The following THAP2 variants were observed in gnomAD, a reference collection of about 807,000 sequenced individuals.
THAP2 encodes the protein THAP domain-containing protein 2.
Under a neutral mutation model 18.8 loss-of-function variants are expected in THAP2, and 16 were observed. The observed-to-expected ratio is 0.85, with a 90% CI of 0.58 to 1.29. The LOEUF (loss-of-function observed/expected upper bound fraction) is 1.29, where lower values mean the gene tolerates loss of function less well. Ranked by LOEUF, THAP2 falls within the 50% of genes most tolerant of loss-of-function variation. The pLI, the probability that THAP2 is intolerant of heterozygous loss-of-function variation, is 0.00. For missense variants in THAP2, 251 were observed against 265.3 expected, an observed-to-expected ratio of 0.95 and a Z score of 0.38; for synonymous variants, 80 against 89.2, an observed-to-expected ratio of 0.90 and a Z score of 0.58.
Position 71,664,391 on chromosome 12 carries a change from C to T in THAP2, c.-119C>T, listed in dbSNP as rs1003872290. Reference sequence around the variant, plus strand: ...ACCCCTTCTTCCCACTCCGCTCTCACGACTAAGCTCTCACGATTAAGGCAC... The same window carrying T: ...ACCCCTTCTTCCCACTCCGCTCTCATGACTAAGCTCTCACGATTAAGGCAC... On this transcript the variant is annotated 5_prime_UTR_variant, in exon 1 of 3. The change creates a new upstream start codon in the 5' untranslated region. Transcript: ENST00000308086. 1.3e-5 allele frequency: 16 copies of T among 1,258,080 alleles called. No homozygotes were observed. The highest frequency in any genetic ancestry group is 1.7e-5 in the Non-Finnish European group (15 of 865,002). 77.9% of individuals were successfully genotyped at this position (1,258,080 alleles called of 1,614,324 possible).
intron 1 of THAP2, chr12:71,665,762 T>C (rs1156778107): frequency 6.6e-6 from 1 of 152,194 alleles, no homozygotes; most frequent in Non-Finnish European, 1.5e-5. Flanking sequence ...CTAAGAGTAC[T>C]TGAGAAACCA....
rs778305598 is a variant in THAP2 at position 71,676,964 on chromosome 12, A to G, written c.543A>G (p.Val181=). The G allele has an allele frequency of 2.5e-6, 4 of 1,613,760 alleles. No individual in the cohort carries two copies. The highest frequency in any genetic ancestry group is 2.2e-5 in the South Asian group (2 of 91,074). ...TAAAGAATTTAGAAGCAAATAGTGT[A>G]TTACCTAAAGGTACATCAGAACACA... ...CLVKNLEANS[V]LPKGTSEHML... is the part of the protein sequence containing the mutation. Residue 181 remains valine, a synonymous_variant, in exon 3 of 3, where the codon GTA becomes GTG. Transcript: ENST00000308086.
chr12:71,673,913 A>G (rs1280849831), intron 1 of THAP2, among the ~76,000 whole-genome samples: 1 of 150,114 alleles, frequency 6.7e-6, no homozygotes, highest in East Asian at 2.1e-4. Context: ...GATCTAAATC[A>G]GTTTAGTCAT....
chr12:71,664,939 C>G (rs1231447394), intron 1 of THAP2: 1 of 702,312 alleles, frequency 1.4e-6, no homozygotes, highest in Admixed American at 2.0e-5. Context: ...CCGTAAAAGC[C>G]TGCTGTGTTC....
At chr12:71,673,615 C>T (rs1226959997) in intron 1 of THAP2, among the ~76,000 whole-genome samples, 1 of 152,074 alleles carries the variant, frequency 6.6e-6, no homozygotes, top group Non-Finnish European at 1.5e-5. Context: ...CTACTGTTTG[C>T]AAAGCATTGT....
rs1881459075 is a variant in THAP2 at position 71,672,584 on chromosome 12, A to G, written c.72-1619A>G. On this transcript the variant is annotated intron_variant, in intron 1 of 2. Transcript: ENST00000308086. The stretch of plus-strand genomic sequence containing the variant: ...TACAGAATAGAAAGATATTTCACAA[A>G]AAGTGCAAGGTTTTTGTACCTGCTG... Among the ~76,000 whole-genome samples, 4 of 152,276 alleles carry G rather than the reference A, an allele frequency of 2.6e-5. No individual in the cohort carries two copies. In the South Asian group the frequency reaches 8.3e-4, roughly 32 times the overall value.
rs1216706810 is a variant in THAP2, at chr12:71,678,646, T to C, written c.*1538T>C. 6.6e-6 allele frequency: 1 copy of C among 152,132 alleles called. No homozygotes were observed. Among genetic ancestry groups the C allele is most frequent in the Admixed American group, 6.5e-5 (1 of 15,286 alleles). 9.4% of individuals were successfully genotyped at this position (152,132 alleles called of 1,614,324 possible). A position where few individuals can be genotyped will look rare whatever the true frequency, so the allele number is the denominator to read the frequency against. ...AATTGCTGTAATCTTTCCTGTAAAG[T>C]AATAGCTACTTCATGATTTTTTTAA... On this transcript the variant is annotated 3_prime_UTR_variant, in exon 3 of 3. Coordinates refer to ENST00000308086, the MANE Select transcript of THAP2 (RefSeq NM_031435.4).
chr12:71,674,167 T>C (rs750792433), intron 1 of THAP2, 36 bp from the exon 2 acceptor site: 9 of 1,529,340 alleles, frequency 5.9e-6, no homozygotes, highest in South Asian at 2.5e-5. Context: ...AGAATTATGA[T>C]AGTTGGAATT....
At chr12:71,674,117 A>T in intron 1 of THAP2, 86 bp from the exon 2 acceptor site, 2 of 1,346,420 alleles carry the variant, frequency 1.5e-6, no homozygotes, top group Non-Finnish European at 2.0e-6. Flanking sequence ...ACACACTTTT[A>T]ATCATCTTCG....
At chr12:71,672,816 G>A (rs377267859) in intron 1 of THAP2, among the ~76,000 whole-genome samples, 1 of 152,068 alleles carries the variant, frequency 6.6e-6, no homozygotes, top group South Asian at 2.1e-4. Flanking sequence ...CTTCATATGG[G>A]TATCATGGTA....
At position 71,664,480 on chromosome 12, in the gene THAP2, C is replaced by T. The variant is rs754144290; in HGVS notation, c.-30C>T. On this transcript the variant is annotated 5_prime_UTR_variant, in exon 1 of 3. Transcript: ENST00000308086. ...TAGCAGCCAGCGCCTCAGTAGAGAC[C>T]TAAGGGCGCTGAATGAGTGGGAAAG... 3.1e-6 allele frequency: 5 copies of T among 1,613,820 alleles called. No individual in the cohort carries two copies. The highest frequency in any genetic ancestry group is 1.7e-5 in the Admixed American group (1 of 60,008).
intron 1 of THAP2, among the ~76,000 whole-genome samples, chr12:71,670,936 CA>C (rs35547227): frequency 0.082 from 8,118 of 98,874 alleles, 308 homozygotes; most frequent in South Asian, 0.11. Context: ...AAAACTGTCT[CA>C]AAAAAAAAAA....
intron 1 of THAP2, chr12:71,667,387 C>T (rs1881361484): frequency 6.6e-6 from 1 of 152,224 alleles, no homozygotes; most frequent in African/African-American, 2.4e-5. Flanking sequence ...CCTCCCAAAT[C>T]AGTATCTCCA....
chr12:71,664,384 G>C lies in THAP2; in HGVS notation c.-126G>C, dbSNP rs1300791836. ...CATACACACCCCTTCTTCCCACTCC[G>C]CTCTCACGACTAAGCTCTCACGATT... On this transcript the variant is annotated 5_prime_UTR_variant, in exon 1 of 3. Transcript: ENST00000308086. The C allele has an allele frequency of 1.2e-5, 14 of 1,149,198 alleles. No individual in the cohort carries two copies. The highest frequency in any genetic ancestry group is 1.7e-5 in the Non-Finnish European group (13 of 771,486). The allele number at this position is 1,149,198 out of a possible 1,614,324, so 71.2% of individuals were successfully genotyped here.
chr12:71,670,932 GTCTCAAA>G (rs1048660614), intron 1 of THAP2, among the ~76,000 whole-genome samples: 21 of 101,048 alleles, frequency 2.1e-4, no homozygotes, highest in Non-Finnish European at 3.5e-5. Flanking sequence ...GAGCAAAACT[GTCTCAAA>G]AAAAAAAAAA....
At chr12:71,669,617 T>G (rs982512348) in intron 1 of THAP2, among the ~76,000 whole-genome samples, 2 of 152,102 alleles carry the variant, frequency 1.3e-5, no homozygotes, top group African/African-American at 4.8e-5. Context: ...GAAATGAGAC[T>G]AGATTGTCAT....
chr12:71,672,248 G>A (rs1409969908), intron 1 of THAP2, among the ~76,000 whole-genome samples: 1 of 151,944 alleles, frequency 6.6e-6, no homozygotes, highest in Non-Finnish European at 1.5e-5. Flanking sequence ...TGATCTTAAT[G>A]GCATCTGGGA....
chr12:71,679,240 A>G lies in THAP2; in HGVS notation c.*2132A>G, dbSNP rs552324269. On this transcript the variant is annotated 3_prime_UTR_variant, in exon 3 of 3. Coordinates refer to ENST00000308086, the MANE Select transcript of THAP2 (RefSeq NM_031435.4). ...GGTTACTTCATCTTCATTCATTATT[A>G]CCTGACAGTATTAAACTACTACTCA... The G allele has an allele frequency of 1.3e-5, 2 of 152,266 alleles. No homozygotes were observed. The highest frequency in any genetic ancestry group is 3.9e-4 in the East Asian group (2 of 5,192). 9.4% of individuals were successfully genotyped at this position (152,266 alleles called of 1,614,324 possible). A position where few individuals can be genotyped will look rare whatever the true frequency, so the allele number is the denominator to read the frequency against.
At chr12:71,676,584 C>T (rs995675279) in intron 2 of THAP2, 105 bp from the exon 3 acceptor site, 24 of 1,183,772 alleles carry the variant, frequency 2.0e-5, no homozygotes, top group African/African-American at 1.7e-4. Context: ...TTAAAATTGA[C>T]TTTTAAAAGA....
Sources: allele counts gnomAD v4.1 joint callset (sites outside exome capture counted in the v4.1 genomes callset), GRCh38; gene constraint gnomAD v4.1.1; transcripts MANE v1.5; gene names NCBI Gene and HGNC (gene_info 2026-07-23, HGNC 2026-07-21).